Variants in VWF observed in about 807,000 individuals in gnomAD.
VWF encodes von Willebrand factor, also known as Factor VIII related antigen.
VWF carries 176 observed loss-of-function variants against 308.6 expected under a neutral mutation model. The observed-to-expected ratio is 0.57, with a 90% CI of 0.50 to 0.65. The LOEUF is 0.65. Ranked by LOEUF, VWF falls within the 30% of genes least tolerant of loss-of-function variation. VWF has a pLI of 0.00. For synonymous variants in VWF, 1,385 were observed against 1,443.4 expected, an observed-to-expected ratio of 0.96 and a Z score of 0.92; for missense variants, 3,146 against 3,648.2, an observed-to-expected ratio of 0.86 and a Z score of 3.55.
intron 47 of VWF, among the ~76,000 whole-genome samples, chr12:5,965,575 G>T (rs1330559798): frequency 2.0e-5 from 3 of 152,172 alleles, no homozygotes; most frequent in Non-Finnish European, 4.4e-5. Flanking sequence ...CCACTTGTCA[G>T]CACAAACTGC....
At position 6,057,909 on chromosome 12, in the gene VWF, CG is replaced by C; in HGVS notation, c.1668del (p.His556GlnfsTer21). The C allele has an allele frequency of 1.2e-6, 2 of 1,613,282 alleles. No individual in the cohort carries two copies. On this transcript the variant is annotated frameshift_variant, in exon 14 of 52. Coordinates refer to ENST00000261405, the MANE Select transcript of VWF (RefSeq NM_000552.5). LOFTEE classifies it high-confidence loss of function. ...TGCTTCTGCAGGTCCTGGCAGTCCC[CG>C]TGCAGCTTCCAGGCGTTCCCGAAGT... ...VEDFGNAWKL[H>X]GDCQDLQKQH...
intron 47 of VWF, among the ~76,000 whole-genome samples, chr12:5,954,446 A>G (rs1273471759): frequency 1.3e-5 from 2 of 152,230 alleles, no homozygotes; most frequent in African/African-American, 4.8e-5. Flanking sequence ...TGATCCTTGA[A>G]AAAAGGAACC....
At chr12:6,103,792 A>G (rs1945210857) in intron 5 of VWF, among the ~76,000 whole-genome samples, 2 of 152,186 alleles carry the variant, frequency 1.3e-5, no homozygotes, top group African/African-American at 4.8e-5. Context: ...ACTTGAATGT[A>G]AGGTCTGAAA....
intron 18 of VWF, 61 bp from the exon 19 acceptor site, chr12:6,036,552 A>G: frequency 6.7e-7 from 1 of 1,484,290 alleles, no homozygotes; most frequent in Non-Finnish European, 9.4e-7. Context: ...GCCCTCCTCC[A>G]GCCCGCTCCA....
intron 6 of VWF, among the ~76,000 whole-genome samples, chr12:6,089,818 A>ACC (rs1945011139): frequency 6.6e-6 from 1 of 151,600 alleles, no homozygotes; most frequent in African/African-American, 2.4e-5. Context: ...CCCTGACCCC[A>ACC]CCTCACCCAC....
At position 5,967,730 on chromosome 12, in the gene VWF, G is replaced by A. The variant is rs547488192; in HGVS notation, c.7771-128C>T. ...GAGCCATCGCTCTGCTGCTCCTCCT[G>A]TCTCCTATGGCCCACTGCCTTCCCG... On this transcript the variant is annotated intron_variant, in intron 46 of 51. Transcript: ENST00000261405. The A allele has an allele frequency of 1.2e-5, 10 of 855,438 alleles. No homozygotes were observed. The East Asian group carries it at 2.4e-4, about 21-fold the overall frequency. 53.0% of individuals were successfully genotyped at this position (855,438 alleles called of 1,614,324 possible). A position where few individuals can be genotyped will look rare whatever the true frequency, so the allele number is the denominator to read the frequency against.
intron 5 of VWF, among the ~76,000 whole-genome samples, chr12:6,103,259 C>T (rs766493821): frequency 1.3e-5 from 2 of 151,786 alleles, no homozygotes; most frequent in South Asian, 2.1e-4. Context: ...ACCCAGGAGG[C>T]GGAGCTTGCA....
chr12:6,122,743 G>A, intron 2 of VWF: 1 of 532,374 alleles, frequency 1.9e-6, no homozygotes, highest in South Asian at 1.4e-5. Flanking sequence ...TTGGCTCTAG[G>A]AGACTTTGGA....
chr12:6,050,634 C>T (rs957918037), intron 16 of VWF, among the ~76,000 whole-genome samples: 5 of 152,178 alleles, frequency 3.3e-5, no homozygotes, highest in Admixed American at 6.5e-5. Flanking sequence ...ACACCTTGTG[C>T]GTTTAGTCCC....
intron 5 of VWF, among the ~76,000 whole-genome samples, chr12:6,096,920 G>A (rs55692509): frequency 0.035 from 5,383 of 152,270 alleles, 146 homozygotes; most frequent in Middle Eastern, 0.061. Flanking sequence ...CCCAGGGAAG[G>A]AAAATATAAA....
chr12:6,000,468 T>C (rs1375315364), intron 34 of VWF, among the ~76,000 whole-genome samples: 1 of 152,132 alleles, frequency 6.6e-6, no homozygotes, highest in African/African-American at 2.4e-5. Context: ...CAGTTTTAAA[T>C]ACATAGGAAT....
In VWF at chr12:5,994,126, G is replaced by A; in HGVS notation, c.6334C>T (p.Gln2112Ter). The A allele has an allele frequency of 6.2e-7, 1 of 1,614,186 alleles. No homozygotes were observed. Among genetic ancestry groups the A allele is most frequent in the Non-Finnish European group, 8.5e-7 (1 of 1,180,040 alleles). ...CCTGGCCGCTGCACAGTCCATTCCT[G>A]AACAAGTGTTTTCCAGTCTGTGGTG... ...TVTTDWKTLV[Q>*]EWTVQRPGQT... Residue 2112 changes from glutamine (Q) to a stop codon, truncating the protein, a stop_gained, in exon 37 of 52, where the codon CAG (glutamine) becomes TAG (stop). Coordinates refer to ENST00000261405, the MANE Select transcript of VWF (RefSeq NM_000552.5). LOFTEE classifies it high-confidence loss of function.
intron 32 of VWF, among the ~76,000 whole-genome samples, chr12:6,012,927 T>A (rs1275197759): frequency 2.0e-5 from 3 of 151,990 alleles, no homozygotes. Flanking sequence ...GGTCTCGATC[T>A]CCTGACCTCA....
rs71445691 is a variant in VWF at position 6,004,717 on chromosome 12, T to TATATATAGATATATAG, written c.5842+6884_5842+6899dup. On this transcript the variant is annotated intron_variant, in intron 34 of 51. Coordinates refer to ENST00000261405, the MANE Select transcript of VWF (RefSeq NM_000552.5). ...TTAACATATACAGATATATATAGGT[T>TATATATAGATATATAG]ATATATAGATATATAGATGTTATAT... Among the ~76,000 whole-genome samples the TATATATAGATATATAG allele has an allele frequency of 1.5e-4, 23 of 149,212 alleles. 1 individual carries two copies. The highest frequency in any genetic ancestry group is 1.4e-3 in the East Asian group (7 of 5,086).
At chr12:6,120,864 C>T (rs1945422703) in intron 3 of VWF, among the ~76,000 whole-genome samples, 2 of 152,128 alleles carry the variant, frequency 1.3e-5, no homozygotes, top group Admixed American at 6.6e-5. Context: ...CGTTCCAAAG[C>T]ACCTTCTCTA....
At chr12:5,979,611 G>A (rs1419669304) in intron 42 of VWF, among the ~76,000 whole-genome samples, 1 of 151,680 alleles carries the variant, frequency 6.6e-6, no homozygotes, top group African/African-American at 2.4e-5. Context: ...TTAGCTGGGT[G>A]TGGTGGTGTG....
intron 38 of VWF, among the ~76,000 whole-genome samples, chr12:5,989,869 T>G (rs1350496372): frequency 6.6e-6 from 1 of 152,188 alleles, no homozygotes; most frequent in Non-Finnish European, 1.5e-5. Context: ...GAGCAAGCAT[T>G]TTGCCACTAC....
At chr12:5,994,275 A>T in intron 36 of VWF, 72 bp from the exon 37 acceptor site, 1 of 1,598,750 alleles carries the variant, frequency 6.3e-7, no homozygotes, top group Non-Finnish European at 8.6e-7. Flanking sequence ...TGCCAGAGAC[A>T]GGCCATTCTT....
intron 18 of VWF, 32 bp from the exon 19 acceptor site, chr12:6,036,523 C>G (rs762308820): frequency 6.3e-7 from 1 of 1,599,022 alleles, no homozygotes; most frequent in Non-Finnish European, 8.6e-7. Flanking sequence ...GTCCTCAGGG[C>G]CACAGTGACT....
Sources: allele counts gnomAD v4.1 joint callset (sites outside exome capture counted in the v4.1 genomes callset), GRCh38; gene constraint gnomAD v4.1.1; transcripts MANE v1.5; gene names NCBI Gene and HGNC (gene_info 2026-07-23, HGNC 2026-07-21).